Variants in AXDND1 observed in about 807,000 individuals in gnomAD.
AXDND1 encodes axonemal dynein light chain domain-containing protein 1.
Under a neutral mutation model 137.5 loss-of-function variants are expected in AXDND1, and 110 were observed. That is an observed-to-expected ratio of 0.80 (90% CI 0.69 to 0.94). The LOEUF is 0.94. AXDND1 is among the 40% of genes least tolerant of loss of function. The pLI, the probability that AXDND1 is intolerant of heterozygous loss-of-function variation, is 0.00. For synonymous variants in AXDND1, 414 were observed against 399.7 expected, an observed-to-expected ratio of 1.04 and a Z score of -0.43; for missense variants, 1,191 against 1,169.8, an observed-to-expected ratio of 1.02 and a Z score of -0.26.
intron 21 of AXDND1, among the ~76,000 whole-genome samples, chr1:179,522,015 T>A (rs188078809): frequency 8.5e-5 from 13 of 152,264 alleles, no homozygotes; most frequent in Non-Finnish European, 1.5e-5. Flanking sequence ...TCTCTTGATT[T>A]CCTGAATCTT....
intron 20 of AXDND1, among the ~76,000 whole-genome samples, chr1:179,505,308 T>C (rs1288569215): frequency 2.9e-5 from 1 of 33,932 alleles, no homozygotes; most frequent in Non-Finnish European, 7.9e-5. Flanking sequence ...AGCTAATGTT[T>C]CTGCTTCTTT....
intron 21 of AXDND1, among the ~76,000 whole-genome samples, chr1:179,515,686 C>T (rs10913808): frequency 6.6e-6 from 1 of 151,860 alleles, no homozygotes; most frequent in African/African-American, 2.4e-5. Context: ...TTTTAGATTT[C>T]TTTTCTTCCT....
intron 9 of AXDND1, among the ~76,000 whole-genome samples, chr1:179,390,560 G>A (rs932980946): frequency 2.6e-5 from 4 of 151,260 alleles, no homozygotes; most frequent in Non-Finnish European, 5.9e-5. Context: ...GCTGTTAGAT[G>A]TTGTAAAAAT....
chr1:179,513,235 C>G (rs1300394304), intron 21 of AXDND1, among the ~76,000 whole-genome samples: 2 of 152,088 alleles, frequency 1.3e-5, no homozygotes, highest in East Asian at 3.9e-4. Flanking sequence ...TGAGTTATGT[C>G]CATTGTATGC....
chr1:179,404,442 G>A (rs533961499), intron 11 of AXDND1, among the ~76,000 whole-genome samples: 2 of 151,852 alleles, frequency 1.3e-5, no homozygotes, highest in Non-Finnish European at 2.9e-5. Context: ...GGCTGGTCTC[G>A]AACTCCTGAC....
intron 16 of AXDND1, chr1:179,448,448 C>T: frequency 1.9e-6 from 1 of 531,370 alleles, no homozygotes; most frequent in Non-Finnish European, 3.5e-6. Context: ...CATTTTCAGC[C>T]ACCTTTCCTT....
intron 12 of AXDND1, among the ~76,000 whole-genome samples, chr1:179,416,399 T>C (rs1481415596): frequency 6.6e-6 from 1 of 152,214 alleles, no homozygotes; most frequent in Non-Finnish European, 1.5e-5. Flanking sequence ...TCTTTTGATA[T>C]ACTGATTTTC....
chr1:179,474,384 G>C (rs750325558), intron 17 of AXDND1, among the ~76,000 whole-genome samples: 2 of 152,306 alleles, frequency 1.3e-5, no homozygotes, highest in Admixed American at 1.3e-4. Flanking sequence ...GAATAGTTTG[G>C]AGGGCTCAGA....
Position 179,486,496 on chromosome 1 carries a change from C to T in AXDND1, c.2091+3275C>T, listed in dbSNP as rs1052011079. ...TGCAGAGAGCCCCTGAAAAATACTA[C>T]AAAATAAGACCATACATGAGACACA... On this transcript the variant is annotated intron_variant, in intron 18 of 25. Transcript: ENST00000367618. Among the ~76,000 whole-genome samples the T allele has an allele frequency of 2.4e-5, 3 of 125,576 alleles. 1 individual carries two copies. Among genetic ancestry groups the T allele is most frequent in the Non-Finnish European group, 5.1e-5 (3 of 58,838 alleles). 82.4% of individuals were successfully genotyped at this position (125,576 alleles called of 152,430 possible).
intron 5 of AXDND1, 85 bp from the exon 6 acceptor site, chr1:179,379,312 T>C: frequency 7.2e-7 from 1 of 1,398,008 alleles, no homozygotes. Flanking sequence ...AGTATCTCTT[T>C]AGGTTAGGAA....
At chr1:179,452,964 C>T (rs1023466448) in intron 16 of AXDND1, 4 of 152,182 alleles carry the variant, frequency 2.6e-5, no homozygotes, top group Non-Finnish European at 5.9e-5. Context: ...GCCCTGTGTC[C>T]CAGCTGCTCT....
At chr1:179,473,298 G>T (rs1664189547) in intron 17 of AXDND1, among the ~76,000 whole-genome samples, 1 of 151,964 alleles carries the variant, frequency 6.6e-6, no homozygotes, top group Non-Finnish European at 1.5e-5. Flanking sequence ...AGGAGTTCAA[G>T]ACCAGCCTGG....
At chr1:179,395,887 G>A (rs887966459) in intron 11 of AXDND1, among the ~76,000 whole-genome samples, 4 of 152,108 alleles carry the variant, frequency 2.6e-5, no homozygotes, top group African/African-American at 7.2e-5. Context: ...TGGAGATTTA[G>A]GCCAGGCATG....
intron 25 of AXDND1, among the ~76,000 whole-genome samples, chr1:179,542,647 A>G (rs575659255): frequency 3.3e-5 from 5 of 152,334 alleles, no homozygotes; most frequent in African/African-American, 1.2e-4. Context: ...CCACCCAAAA[A>G]GCCTACTTGT....
intron 12 of AXDND1, among the ~76,000 whole-genome samples, chr1:179,415,092 A>G (rs1654494928): frequency 1.3e-5 from 2 of 152,236 alleles, no homozygotes; most frequent in African/African-American, 4.8e-5. Context: ...CTGTAATCCC[A>G]GCACTTTGGG....
intron 9 of AXDND1, among the ~76,000 whole-genome samples, chr1:179,389,701 C>T (rs1390556259): frequency 6.6e-6 from 1 of 152,056 alleles, no homozygotes; most frequent in Non-Finnish European, 1.5e-5. Flanking sequence ...CTAGAGTCTT[C>T]TGTTTCTTCC....
intron 12 of AXDND1, among the ~76,000 whole-genome samples, chr1:179,417,808 T>A (rs1231613185): frequency 1.3e-5 from 2 of 152,116 alleles, no homozygotes; most frequent in Non-Finnish European, 2.9e-5. Context: ...TTGGGTAGTA[T>A]TGCCATTTAA....
intron 4 of AXDND1, among the ~76,000 whole-genome samples, chr1:179,378,040 C>T (rs953962443): frequency 3.3e-5 from 5 of 152,026 alleles, no homozygotes; most frequent in East Asian, 1.9e-4. Flanking sequence ...CATGATGGCA[C>T]GTGCTTGTAA....
At chr1:179,455,803 A>G (rs1661314190) in intron 16 of AXDND1, 3 of 180,276 alleles carry the variant, frequency 1.7e-5, no homozygotes, top group Middle Eastern at 2.6e-3. Context: ...GAATTGAGTC[A>G]TAAGAAGCCA....
Sources: gnomAD v4.1 joint callset for allele counts (sites outside exome capture counted in the v4.1 genomes callset) on GRCh38, gnomAD v4.1.1 for gene constraint, MANE v1.5 for transcripts, NCBI Gene and HGNC (gene_info 2026-07-23, HGNC 2026-07-21) for gene names.